Variants in SLC8A1 observed in about 807,000 individuals in gnomAD.
SLC8A1 encodes solute carrier family 8 member A1.
In SLC8A1, 18 loss-of-function variants were observed where a neutral mutation model predicts 68.3. The observed-to-expected ratio is 0.26, with a 90% CI of 0.18 to 0.39. SLC8A1 has a LOEUF of 0.39. Among genes scored for constraint, SLC8A1 ranks in the 10% least tolerant of loss-of-function variants. The pLI, the probability that SLC8A1 is intolerant of heterozygous loss-of-function variation, is 1.00. For synonymous variants in SLC8A1, 475 were observed against 415.5 expected, an observed-to-expected ratio of 1.14 and a Z score of -1.74; for missense variants, 985 against 1,156.7, an observed-to-expected ratio of 0.85 and a Z score of 2.15.
intron 2 of SLC8A1, among the ~76,000 whole-genome samples, chr2:40,422,733 G>C (rs373305180): frequency 9.2e-5 from 14 of 152,180 alleles, no homozygotes; most frequent in African/African-American, 3.1e-4. Flanking sequence ...AGTTAACAAA[G>C]AGAAAAATAA....
chr2:40,463,066 T>C (rs1490994993), intron 1 of SLC8A1, among the ~76,000 whole-genome samples: 1 of 152,134 alleles, frequency 6.6e-6, no homozygotes, highest in African/African-American at 2.4e-5. Context: ...AATTACACAA[T>C]TTAGTTTTTA....
chr2:40,164,584 A>C (rs1295842576), intron 5 of SLC8A1, among the ~76,000 whole-genome samples: 1 of 152,116 alleles, frequency 6.6e-6, no homozygotes, highest in Admixed American at 6.6e-5. Context: ...CCTCAGATTA[A>C]ACCTTCCCTT....
chr2:40,122,470 C>T (rs926574711), intron 7 of SLC8A1, among the ~76,000 whole-genome samples: 15 of 152,198 alleles, frequency 9.9e-5, no homozygotes, highest in Middle Eastern at 3.4e-3. Context: ...AAGGAAGCAG[C>T]GATAAGTAAA....
intron 2 of SLC8A1, among the ~76,000 whole-genome samples, chr2:40,319,714 C>T (rs2074954575): frequency 6.6e-6 from 1 of 152,096 alleles, no homozygotes; most frequent in South Asian, 2.1e-4. Context: ...AGCCATCATT[C>T]TGCCTTTGGA....
chr2:40,187,195 G>A (rs1322039588), intron 2 of SLC8A1, among the ~76,000 whole-genome samples: 1 of 152,144 alleles, frequency 6.6e-6, no homozygotes, highest in African/African-American at 2.4e-5. Flanking sequence ...AGAACGCAGG[G>A]AGCACAGCTC....
At chr2:40,272,087 C>G (rs183508756) in intron 2 of SLC8A1, among the ~76,000 whole-genome samples, 3 of 151,910 alleles carry the variant, frequency 2.0e-5, no homozygotes, top group Non-Finnish European at 2.9e-5. Flanking sequence ...CTGGCTGGCC[C>G]GGAACGCCTG....
intron 2 of SLC8A1, among the ~76,000 whole-genome samples, chr2:40,407,239 T>C (rs893910598): frequency 6.6e-6 from 1 of 152,300 alleles, no homozygotes. Context: ...CTAATTTTTC[T>C]ATTTTTAGTA....
intron 2 of SLC8A1, among the ~76,000 whole-genome samples, chr2:40,312,003 A>G (rs530652688): frequency 6.6e-6 from 1 of 152,226 alleles, no homozygotes; most frequent in Non-Finnish European, 1.5e-5. Context: ...TTGCGTCTCA[A>G]AGAGGTACAG....
At chr2:40,417,907 C>A (rs750228842) in intron 2 of SLC8A1, among the ~76,000 whole-genome samples, 2 of 109,172 alleles carry the variant, frequency 1.8e-5, no homozygotes, top group African/African-American at 9.3e-5. Context: ...GGTAAACGCA[C>A]AGAGTCATAA....
intron 2 of SLC8A1, chr2:40,250,505 A>G (rs567290124): frequency 2.0e-5 from 3 of 151,360 alleles, no homozygotes; most frequent in Middle Eastern, 3.4e-3. Context: ...CCATGACAGG[A>G]AAATGTAAGT....
chr2:40,352,677 A>T (rs1031844850), intron 2 of SLC8A1, among the ~76,000 whole-genome samples: 4 of 152,216 alleles, frequency 2.6e-5, no homozygotes, highest in African/African-American at 9.6e-5. Flanking sequence ...AGCCTCCAAG[A>T]GTCGGCCTAC....
chr2:40,231,718 G>A (rs1230535673), intron 2 of SLC8A1, among the ~76,000 whole-genome samples: 1 of 152,042 alleles, frequency 6.6e-6, no homozygotes, highest in Non-Finnish European at 1.5e-5. Context: ...AAACTCCTCA[G>A]GTTAAGCTGC....
rs72558067 is a variant in SLC8A1 at position 40,115,285 on chromosome 2, G to T, written c.2782C>A (p.Leu928Met). 49 of 1,613,326 alleles carry T rather than the reference G, an allele frequency of 3.0e-5. No individual in the cohort carries two copies. In the Middle Eastern group the frequency reaches 5.2e-4, roughly 17 times the overall value. The change falls in exon 8 of 8, where the codon CTG (leucine) becomes ATG (methionine). Residue 928 changes from leucine (L) to methionine (M), a missense_variant. Leu to Met is a conservative substitution (Grantham distance 15, BLOSUM62 2). Around this residue, in one of 5 missense-constraint regions of SLC8A1, gnomAD observed 144 missense variants for 260.4 expected, o/e 0.55. Coordinates refer to ENST00000406785, the Ensembl canonical transcript of SLC8A1. The stretch of plus-strand genomic sequence containing the variant: ...CCTTTTATGTGGCAGTAGGCCTCCA[G>T]GGAGGAGAAGAAAATGTACAAGAGC...
intron 2 of SLC8A1, among the ~76,000 whole-genome samples, chr2:40,183,443 A>G (rs13403847): frequency 0.11 from 17,494 of 152,250 alleles, 1,086 homozygotes; most frequent in Non-Finnish European, 0.12. Context: ...AAAAAGTTAA[A>G]TCATTGAGGA....
intron 2 of SLC8A1, among the ~76,000 whole-genome samples, chr2:40,380,567 A>C (rs1575872467): frequency 6.6e-6 from 1 of 152,086 alleles, no homozygotes; most frequent in East Asian, 1.9e-4. Flanking sequence ...AATCATTACT[A>C]ATTATTCGGC....
intron 2 of SLC8A1, among the ~76,000 whole-genome samples, chr2:40,419,289 T>C (rs565131560): frequency 6.6e-6 from 1 of 152,298 alleles, no homozygotes; most frequent in African/African-American, 2.4e-5. Context: ...AAGGACAAAG[T>C]TGCTGTCTAT....
intron 7 of SLC8A1, among the ~76,000 whole-genome samples, chr2:40,121,267 C>T (rs2036729475): frequency 6.6e-6 from 1 of 152,142 alleles, no homozygotes; most frequent in African/African-American, 2.4e-5. Context: ...TATACCAAGG[C>T]TTGAGAACCA....
Position 40,419,891 on chromosome 2 carries a change from G to C in SLC8A1, c.1808+8582C>G, listed in dbSNP as rs562244905. ...TTATAATTATATTTATAAACACATT[G>C]CTATCAGGTTTACACCAAATAGACC... is the stretch of plus-strand genomic sequence containing the variant. On this transcript the variant is annotated intron_variant, in intron 2 of 7. Coordinates refer to ENST00000406785, the Ensembl canonical transcript of SLC8A1. 3.9e-5 allele frequency among the ~76,000 whole-genome samples: 6 copies of C among 152,222 alleles called. 1 individual carries two copies. The South Asian group carries it at 1.2e-3, about 32-fold the overall frequency.
chr2:40,439,684 A>G (rs533285391), intron 1 of SLC8A1, among the ~76,000 whole-genome samples: 1 of 152,166 alleles, frequency 6.6e-6, no homozygotes, highest in Non-Finnish European at 1.5e-5. Flanking sequence ...ATTCATCTTC[A>G]AGTAGATAGC....
Sources: gnomAD v4.1 joint callset for allele counts (sites outside exome capture counted in the v4.1 genomes callset) on GRCh38, gnomAD v4.1.1 for gene constraint, gnomAD v4.1.1 regional missense constraint, MANE v1.5 for transcripts, NCBI Gene and HGNC (gene_info 2026-07-23, HGNC 2026-07-21) for gene names.